Variants in CHODL observed in about 807,000 individuals in gnomAD.
The protein encoded by CHODL is chondrolectin.
A neutral mutation model predicts 34.5 loss-of-function variants in CHODL; 29 were observed. The observed-to-expected ratio is 0.84, with a 90% CI of 0.63 to 1.15. The LOEUF is 1.15. Among genes scored for constraint, CHODL ranks in the 50% most tolerant of loss-of-function variants. The probability of loss-of-function intolerance (pLI) is 0.00; values close to 1 mark genes in which losing one functional copy is unlikely to be tolerated. For synonymous variants in CHODL, 125 were observed against 116.1 expected (o/e 1.08, Z -0.49); for missense variants, 332 against 332.5 (o/e 1.00, Z 0.01).
intron 1 of CHODL, among the ~76,000 whole-genome samples, chr21:17,971,818 C>A (rs1246387220): frequency 6.6e-6 from 1 of 152,128 alleles, no homozygotes; most frequent in African/African-American, 2.4e-5. Context: ...CCAGCATCAT[C>A]CTGATACCAA....
chr21:17,993,138 T>A (rs2063814360), intron 1 of CHODL, among the ~76,000 whole-genome samples: 1 of 152,166 alleles, frequency 6.6e-6, no homozygotes, highest in Non-Finnish European at 1.5e-5. Context: ...AGTATTTTCA[T>A]TTTTTTCCCA....
intron 1 of CHODL, among the ~76,000 whole-genome samples, chr21:17,960,180 C>G (rs1483447705): frequency 6.6e-6 from 1 of 152,156 alleles, no homozygotes; most frequent in Non-Finnish European, 1.5e-5. Context: ...TCCTAAAACC[C>G]TGCACACACT....
chr21:18,084,737 T>C (rs2064982947), intron 2 of CHODL, among the ~76,000 whole-genome samples: 2 of 152,172 alleles, frequency 1.3e-5, no homozygotes, highest in South Asian at 4.1e-4. Context: ...AGAATGTGTA[T>C]TCTGTAGTTG....
chr21:18,165,527 A>T (rs1205827570), intron 2 of CHODL, among the ~76,000 whole-genome samples: 2 of 152,202 alleles, frequency 1.3e-5, no homozygotes, highest in Non-Finnish European at 2.9e-5. Context: ...GTAAGGACAG[A>T]TCATCTCTGC....
chr21:18,252,003 A>C (rs2074262637), intron 1 of CHODL, among the ~76,000 whole-genome samples: 1 of 152,002 alleles, frequency 6.6e-6, no homozygotes. Context: ...AAAATTAATT[A>C]GCTCCTAGTG....
chr21:18,187,728 C>T (rs1453605475), intron 2 of CHODL, among the ~76,000 whole-genome samples: 1 of 152,122 alleles, frequency 6.6e-6, no homozygotes, highest in Non-Finnish European at 1.5e-5. Flanking sequence ...AATCTCATTC[C>T]TCTATGACTT....
chr21:17,951,107 C>CGTGTGTGTGTGTGTGTGT, intron 1 of CHODL, among the ~76,000 whole-genome samples: 1 of 149,132 alleles, frequency 6.7e-6, no homozygotes, highest in South Asian at 2.2e-4. Context: ...TTACTCTATA[C>CGTGTGTGTGTGTGTGTGT]GTGTGTGTGT....
intron 2 of CHODL, among the ~76,000 whole-genome samples, chr21:18,177,213 G>T (rs1328643496): frequency 2.6e-5 from 4 of 151,900 alleles, no homozygotes; most frequent in Non-Finnish European, 5.9e-5. Context: ...CACATTAAGA[G>T]AATTAAATAT....
At position 18,122,963 on chromosome 21, in the gene CHODL, G is replaced by T. The variant is rs1021971857; in HGVS notation, c.-45+94992G>T. ...ACGTTTACACAATTCTATTTGGATG[G>T]TTATTTTACTTCCTATTTGAGATTA... is the stretch of plus-strand genomic sequence containing the variant. On this transcript the variant is annotated intron_variant, in intron 2 of 6. Transcript: ENST00000400127. 1.1e-4 allele frequency among the ~76,000 whole-genome samples: 17 copies of T among 152,118 alleles called. 1 individual carries two copies. The highest frequency in any genetic ancestry group is 1.1e-3 in the Admixed American group (17 of 15,266).
chr21:18,024,153 CA>C (rs1450823677), intron 1 of CHODL, among the ~76,000 whole-genome samples: 1 of 152,118 alleles, frequency 6.6e-6, no homozygotes, highest in African/African-American at 2.4e-5. Context: ...AAATGCTCCC[CA>C]TTTCTTTTTT....
At chr21:18,230,598 C>A (rs1298843606) in intron 2 of CHODL, among the ~76,000 whole-genome samples, 1 of 151,872 alleles carries the variant, frequency 6.6e-6, no homozygotes, top group Non-Finnish European at 1.5e-5. Context: ...ATATTAGAAA[C>A]AAAGTGAAGG....
intron 1 of CHODL, among the ~76,000 whole-genome samples, chr21:18,026,676 A>C (rs1343507060): frequency 1.3e-5 from 2 of 152,140 alleles, no homozygotes; most frequent in Non-Finnish European, 2.9e-5. Context: ...CTTTCTTCAC[A>C]TGCCAAAATT....
intron 2 of CHODL, among the ~76,000 whole-genome samples, chr21:18,144,466 C>T (rs1412024289): frequency 6.6e-6 from 1 of 152,056 alleles, no homozygotes; most frequent in Admixed American, 6.6e-5. Context: ...AGTTGGTTCA[C>T]TTTCAACCGG....
At chr21:18,113,073 A>G (rs1844892) in intron 2 of CHODL, among the ~76,000 whole-genome samples, 23,915 of 152,128 alleles carry the variant, frequency 0.16, 2,176 homozygotes, top group African/African-American at 0.25. Flanking sequence ...TCTATAGGAA[A>G]AAAATCTAAT....
At chr21:18,026,228 T>C (rs1017874629) in intron 1 of CHODL, among the ~76,000 whole-genome samples, 2 of 152,200 alleles carry the variant, frequency 1.3e-5, no homozygotes, top group Non-Finnish European at 2.9e-5. Context: ...CAGAGCTCTC[T>C]ACATCTAACA....
intron 1 of CHODL, among the ~76,000 whole-genome samples, chr21:17,934,234 TA>T (rs58780393): frequency 0.36 from 50,010 of 140,290 alleles, 8,930 homozygotes; most frequent in South Asian, 0.49. Flanking sequence ...TCTATAAAAA[TA>T]AAAAAAAAAA....
intron 1 of CHODL, among the ~76,000 whole-genome samples, chr21:18,003,079 G>A (rs933862478): frequency 1.3e-5 from 2 of 149,698 alleles, no homozygotes; most frequent in South Asian, 2.1e-4. Context: ...AGCCGAGATC[G>A]CGCCACTGCA....
At chr21:18,070,025 T>TTCCCTTC (rs1555860424) in intron 2 of CHODL, among the ~76,000 whole-genome samples, 4 of 29,088 alleles carry the variant, frequency 1.4e-4, no homozygotes, top group Admixed American at 3.9e-4. Context: ...TTCCCTTCCC[T>TTCCCTTC]CCCCCCCCCC....
intron 2 of CHODL, among the ~76,000 whole-genome samples, chr21:18,139,314 T>A (rs1176463757): frequency 6.6e-6 from 1 of 152,176 alleles, no homozygotes; most frequent in African/African-American, 2.4e-5. Context: ...GAAGGGCCAC[T>A]GGAGAACCCA....
Sources: gnomAD v4.1 joint callset for allele counts (sites outside exome capture counted in the v4.1 genomes callset) on GRCh38, gnomAD v4.1.1 for gene constraint, MANE v1.5 for transcripts, NCBI Gene and HGNC (gene_info 2026-07-23, HGNC 2026-07-21) for gene names.